IGF2R: variants seen among roughly 807,000 people sequenced by gnomAD.
The protein encoded by IGF2R is insulin like growth factor 2 receptor.
A neutral mutation model predicts 270.6 loss-of-function variants in IGF2R; 91 were observed. The observed-to-expected ratio is 0.34, with a 90% CI of 0.28 to 0.40. IGF2R has a LOEUF of 0.40. Among genes scored for constraint, IGF2R ranks in the 10% least tolerant of loss-of-function variants. The pLI is 1.00. For missense variants in IGF2R, 2,805 were observed against 3,188.3 expected, an observed-to-expected ratio of 0.88 and a Z score of 2.90; for synonymous variants, 1,316 against 1,258.9, an observed-to-expected ratio of 1.05 and a Z score of -0.96.
intron 1 of IGF2R, among the ~76,000 whole-genome samples, chr6:159,984,439 C>T (rs1019886720): frequency 2.6e-5 from 4 of 152,196 alleles, no homozygotes; most frequent in Non-Finnish European, 4.4e-5. Context: ...ACTGACTCAC[C>T]CAGAGCCGCT....
chr6:160,013,483 T>C (rs1000584852), intron 4 of IGF2R, among the ~76,000 whole-genome samples: 6 of 150,938 alleles, frequency 4.0e-5, no homozygotes, highest in Admixed American at 2.0e-4. Context: ...TGGGGAGGTA[T>C]AGTCTGTGTT....
In IGF2R at chr6:160,064,818, G is replaced by A; in HGVS notation, c.4032G>A (p.Lys1344=). Reference sequence around the variant, plus strand: ...AACTTTTTTAGCCAGTATTTCTAAAGGAGACTTCAGATTGTTCCTACTTGT... The same window carrying A: ...AACTTTTTTAGCCAGTATTTCTAAAAGAGACTTCAGATTGTTCCTACTTGT... ...DRGTQRPVFL[K]ETSDCSYLFE... is the part of the protein sequence containing the mutation. The change falls in exon 29 of 48, where the codon AAG becomes AAA. Residue 1344 remains lysine, a synonymous_variant. Coordinates refer to ENST00000356956, the MANE Select transcript of IGF2R (RefSeq NM_000876.4). The A allele has an allele frequency of 1.2e-6, 2 of 1,612,386 alleles. No individual in the cohort carries two copies. Among genetic ancestry groups the A allele is most frequent in the Non-Finnish European group, 1.7e-6 (2 of 1,178,394 alleles).
Position 160,105,063 on chromosome 6 carries a change from C to G in IGF2R, c.7455C>G (p.Asp2485Glu), listed in dbSNP as rs368065139. The G allele has an allele frequency of 6.3e-7, 1 of 1,595,854 alleles. No homozygotes were observed. Among genetic ancestry groups the G allele is most frequent in the Non-Finnish European group, 8.5e-7 (1 of 1,170,722 alleles). ...TGGTGTCCTTCCATGACGACAGCGA[C>G]GAGGACCTCTTACACATCTGACTCC... ...TKLVSFHDDS[D>E]EDLLHI The change falls in exon 48 of 48, where the codon GAC (aspartate) becomes GAG (glutamate). Residue 2485 changes from aspartate (D) to glutamate (E), a missense_variant. Physicochemically the swap from Asp to Glu is conservative, Grantham distance 45. Transcript: ENST00000356956.
chr6:160,010,857 C>T, intron 4 of IGF2R, 72 bp downstream of exon 4: 2 of 866,046 alleles, frequency 2.3e-6, no homozygotes, highest in Non-Finnish European at 3.8e-6. Context: ...AATACTGATT[C>T]TAACCTTTCC....
At chr6:159,975,777 TATATATA>T (rs1398942238) in intron 1 of IGF2R, among the ~76,000 whole-genome samples, 7 of 147,578 alleles carry the variant, frequency 4.7e-5, no homozygotes, top group Non-Finnish European at 1.0e-4. Context: ...ATATATGTAT[TATATATA>T]ATATATAATA....
At position 160,083,989 on chromosome 6, in the gene IGF2R, A is replaced by T; in HGVS notation, c.5873A>T (p.Asp1958Val). The T allele has an allele frequency of 6.2e-7, 1 of 1,614,130 alleles. No homozygotes were observed. Among genetic ancestry groups the T allele is most frequent in the Non-Finnish European group, 8.5e-7 (1 of 1,179,962 alleles). Residue 1958 changes from aspartate (D) to valine (V), a missense_variant, in exon 40 of 48, where the codon GAT becomes GTT. By Grantham distance (152) the Asp-to-Val change is radical. This residue lies in a region of IGF2R where 1,851 missense variants were observed against 2,207.2 expected (regional missense o/e 0.84). Transcript: ENST00000356956. ...YRTSSIIFKC[D>V]EDEDIGRPQV... Reference sequence around the variant, plus strand: ...ACATCCAGCATCATATTTAAGTGTGATGAAGATGAGGACATTGGGAGGCCA... The same window carrying T: ...ACATCCAGCATCATATTTAAGTGTGTTGAAGATGAGGACATTGGGAGGCCA...
At chr6:159,992,485 A>G (rs985493396) in intron 2 of IGF2R, among the ~76,000 whole-genome samples, 15 of 151,876 alleles carry the variant, frequency 9.9e-5, no homozygotes, top group African/African-American at 3.6e-4. Context: ...TCTCTTTCTG[A>G]GTTATTTTAC....
chr6:160,085,785 AAG>A (rs753632058), intron 41 of IGF2R, among the ~76,000 whole-genome samples: 3 of 152,202 alleles, frequency 2.0e-5, no homozygotes, highest in African/African-American at 4.8e-5. Flanking sequence ...GAGATGGAGA[AAG>A]AGAATTCCGA....
chr6:160,035,175 GACT>G (rs1252513686), intron 10 of IGF2R, among the ~76,000 whole-genome samples: 1 of 152,180 alleles, frequency 6.6e-6, no homozygotes, highest in Non-Finnish European at 1.5e-5. Context: ...CCCAGGCTGT[GACT>G]CCAGGCACCC....
intron 7 of IGF2R, among the ~76,000 whole-genome samples, chr6:160,032,278 C>G (rs1286112488): frequency 6.6e-6 from 1 of 151,788 alleles, no homozygotes; most frequent in East Asian, 1.9e-4. Context: ...GGTGACTAGA[C>G]TAGAAAGGGA....
intron 2 of IGF2R, among the ~76,000 whole-genome samples, chr6:159,992,598 T>TCACA (rs71033567): frequency 2.6e-3 from 377 of 146,256 alleles, no homozygotes; most frequent in Middle Eastern, 0.018. Flanking sequence ...AAGAATGAAA[T>TCACA]CACACACACA....
chr6:160,063,317 G>A lies in IGF2R; in HGVS notation c.3671-98G>A, dbSNP rs8191853. 5,308 of 919,708 alleles carry A rather than the reference G, an allele frequency of 5.8e-3. 53 individuals carry two copies. The highest frequency in any genetic ancestry group is 0.018 in the Middle Eastern group (54 of 2,996). 57.0% of individuals were successfully genotyped at this position (919,708 alleles called of 1,614,324 possible). ...CTCCCAAAGTGCTGGGATTACAGGC[G>A]TGAGCCACTGCGCCCGGCCATTTGT... On this transcript the variant is annotated intron_variant, in intron 26 of 47. Transcript: ENST00000356956.
rs202216394 is a variant in IGF2R at position 160,052,015 on chromosome 6, G to T, written c.2694+1363G>T. 3.3e-5 allele frequency among the ~76,000 whole-genome samples: 5 copies of T among 151,476 alleles called. No individual in the cohort carries two copies. In the East Asian group the frequency reaches 9.7e-4, roughly 29 times the overall value. On this transcript the variant is annotated intron_variant, in intron 19 of 47. Coordinates refer to ENST00000356956, the MANE Select transcript of IGF2R (RefSeq NM_000876.4). ...GTTTGAGCCCAGGAGTCTCAGACTA[G>T]CCTGGGCAACTTAGTGAGACCCCAT...
intron 2 of IGF2R, among the ~76,000 whole-genome samples, chr6:159,995,391 A>C (rs1784036933): frequency 6.6e-6 from 1 of 151,988 alleles, no homozygotes; most frequent in African/African-American, 2.4e-5. Flanking sequence ...CTAGTTCACC[A>C]ATCTATATCT....
At chr6:160,000,625 G>A (rs1784112610) in intron 2 of IGF2R, among the ~76,000 whole-genome samples, 1 of 151,968 alleles carries the variant, frequency 6.6e-6, no homozygotes, top group Non-Finnish European at 1.5e-5. Context: ...GAATCATAGA[G>A]TGCTGGCAAG....
intron 43 of IGF2R, 59 bp from the exon 44 acceptor site, chr6:160,089,857 T>C (rs1779180382): frequency 8.1e-7 from 1 of 1,234,344 alleles, no homozygotes; most frequent in South Asian, 1.6e-5. Flanking sequence ...TGAGGGTTTA[T>C]GTCATGAATG....
At chr6:160,093,646 C>G in intron 44 of IGF2R, 1 of 737,350 alleles carries the variant, frequency 1.4e-6, no homozygotes, top group South Asian at 1.4e-5. Flanking sequence ...AGGTAAACTT[C>G]CGTGGATTCC....
At chr6:160,065,814 G>GTGTGTGTGTGTGTATATATA in intron 29 of IGF2R, among the ~76,000 whole-genome samples, 6 of 78,382 alleles carry the variant, frequency 7.7e-5, no homozygotes, top group East Asian at 3.0e-4. Flanking sequence ...GTGTGTGTGT[G>GTGTGTGTGTGTGTATATATA]TATATATATA....
intron 1 of IGF2R, among the ~76,000 whole-genome samples, chr6:159,981,685 T>C (rs1181115582): frequency 6.6e-6 from 1 of 152,220 alleles, no homozygotes; most frequent in Admixed American, 6.5e-5. Flanking sequence ...CTCACACAGC[T>C]TGTTAGTCAG....
Sources: gnomAD v4.1 joint callset for allele counts (sites outside exome capture counted in the v4.1 genomes callset) on GRCh38, gnomAD v4.1.1 for gene constraint, gnomAD v4.1.1 regional missense constraint, MANE v1.5 for transcripts, NCBI Gene and HGNC (gene_info 2026-07-23, HGNC 2026-07-21) for gene names.